The following KLRG1 variants were observed in gnomAD, a reference collection of about 807,000 sequenced individuals.
The protein encoded by KLRG1 is killer cell lectin-like receptor subfamily G member 1.
In KLRG1, 16 loss-of-function variants were observed where a neutral mutation model predicts 21.8. The ratio of observed to expected loss-of-function variants is 0.73; its 90% CI spans 0.50 to 1.11. The LOEUF (loss-of-function observed/expected upper bound fraction) is 1.11, where lower values mean the gene tolerates loss of function less well. Among genes scored for constraint, KLRG1 ranks in the 50% most tolerant of loss-of-function variants. The pLI, the probability that KLRG1 is intolerant of heterozygous loss-of-function variation, is 0.00. For missense variants in KLRG1, 173 were observed against 218.3 expected, an observed-to-expected ratio of 0.79 and a Z score of 1.31; for synonymous variants, 69 against 75.9, an observed-to-expected ratio of 0.91 and a Z score of 0.47.
chr12:9,138,766 G>A, the KLRG1 span, among the ~76,000 whole-genome samples: 40 of 151,890 alleles, frequency 2.6e-4, no homozygotes, highest in African/African-American at 7.0e-4. Context: ...TAGGTTATTC[G>A]ATTAGTTGAC....
chr12:9,080,659 G>C, the KLRG1 span, among the ~76,000 whole-genome samples: 1 of 152,126 alleles, frequency 6.6e-6, no homozygotes. Context: ...CATATACAAA[G>C]ATAGTATTTT....
chr12:9,165,843 T>C, the KLRG1 span, among the ~76,000 whole-genome samples: 2 of 152,210 alleles, frequency 1.3e-5, no homozygotes, highest in East Asian at 3.8e-4. Flanking sequence ...TTTGACAGTA[T>C]CAGAAATAAT....
chr12:9,042,465 C>T, the KLRG1 span, among the ~76,000 whole-genome samples: 1,349 of 151,936 alleles, frequency 8.9e-3, 9 homozygotes, highest in Non-Finnish European at 0.015. Context: ...TAAAATAATG[C>T]CTCCTGAACC....
the KLRG1 span, chr12:9,037,376 A>C: frequency 6.6e-6 from 1 of 152,238 alleles, no homozygotes; most frequent in African/African-American, 2.4e-5. Context: ...TAAATATTTA[A>C]ACAGCTACTC....
At chr12:9,112,670 G>T in the KLRG1 span, 1 of 901,678 alleles carries the variant, frequency 1.1e-6, no homozygotes. Flanking sequence ...AGGGAAAGTT[G>T]GCATGGACAG....
the KLRG1 span, chr12:9,128,204 C>A: frequency 5.0e-6 from 1 of 198,336 alleles, no homozygotes; most frequent in South Asian, 9.7e-5. Context: ...GGATTCTGCT[C>A]CAGGCATTGG....
chr12:9,105,838 A>G, the KLRG1 span, among the ~76,000 whole-genome samples: 5 of 152,218 alleles, frequency 3.3e-5, no homozygotes, highest in Non-Finnish European at 5.9e-5. Context: ...CTGTTTCCAT[A>G]CAAAGTTAGT....
chr12:8,992,560 T>A (rs1330415138), intron 2 of KLRG1, among the ~76,000 whole-genome samples: 2 of 152,168 alleles, frequency 1.3e-5, no homozygotes, highest in East Asian at 3.8e-4. Flanking sequence ...TGTGTGCTGC[T>A]ATACCAGCGG....
chr12:9,140,520 G>C, the KLRG1 span, among the ~76,000 whole-genome samples: 1 of 152,184 alleles, frequency 6.6e-6, no homozygotes, highest in Non-Finnish European at 1.5e-5. Flanking sequence ...GGTAGGAATG[G>C]TTTGCATTAT....
At chr12:8,987,174 GTAT>G (rs1946855579), upstream of KLRG1, 1 of 152,186 alleles carries the variant, frequency 6.6e-6, no homozygotes, top group African/African-American at 2.4e-5. Context: ...GTAGTGTTAA[GTAT>G]TATTATGGAC....
the KLRG1 span, among the ~76,000 whole-genome samples, chr12:9,087,647 A>G: frequency 6.6e-6 from 1 of 152,096 alleles, no homozygotes; most frequent in African/African-American, 2.4e-5. Context: ...TGCTTAGAGA[A>G]TTTCAAATGT....
At chr12:9,119,247 A>G in the KLRG1 span, among the ~76,000 whole-genome samples, 1 of 152,254 alleles carries the variant, frequency 6.6e-6, no homozygotes, top group Non-Finnish European at 1.5e-5. Flanking sequence ...GACGCTAGAA[A>G]TAAGTGAGCA....
At chr12:9,191,490 A>T in the KLRG1 span, among the ~76,000 whole-genome samples, 4 of 152,132 alleles carry the variant, frequency 2.6e-5, no homozygotes, top group Non-Finnish European at 5.9e-5. Flanking sequence ...ACTGAAAAAT[A>T]AAAATTAAAA....
At chr12:9,165,595 T>C in the KLRG1 span, among the ~76,000 whole-genome samples, 1 of 152,198 alleles carries the variant, frequency 6.6e-6, no homozygotes, top group Non-Finnish European at 1.5e-5. Flanking sequence ...ATCCCACATG[T>C]CTGTACTTTG....
At chr12:9,165,087 A>T in the KLRG1 span, 3 of 1,568,360 alleles carry the variant, frequency 1.9e-6, no homozygotes, top group Non-Finnish European at 2.6e-6. Context: ...CTGACTGATC[A>T]AAGGAATCTT....
the KLRG1 span, among the ~76,000 whole-genome samples, chr12:9,042,435 G>C: frequency 4.1e-3 from 621 of 152,326 alleles, 6 homozygotes; most frequent in African/African-American, 0.014. Context: ...GTAGACCTTT[G>C]TGTAGACCTC....
intron 1 of KLRG1, among the ~76,000 whole-genome samples, chr12:8,973,227 C>A (rs1159007264): frequency 1.4e-5 from 2 of 146,234 alleles, no homozygotes; most frequent in African/African-American, 5.1e-5. Flanking sequence ...TGCATTTAAT[C>A]TGTAGATCAC....
the KLRG1 span, chr12:9,036,609 C>T: frequency 4.9e-6 from 1 of 203,422 alleles, no homozygotes; most frequent in Admixed American, 6.0e-5. Context: ...AAATGAGACA[C>T]TGTTAATACT....
chr12:9,150,993 T>C, the KLRG1 span, among the ~76,000 whole-genome samples: 2 of 152,310 alleles, frequency 1.3e-5, no homozygotes, highest in African/African-American at 4.8e-5. Flanking sequence ...TGTTATGAGA[T>C]TAACTCTCTG....
Sources: allele counts gnomAD v4.1 joint callset (sites outside exome capture counted in the v4.1 genomes callset), GRCh38; gene constraint gnomAD v4.1.1; transcripts MANE v1.5; gene names NCBI Gene and HGNC (gene_info 2026-07-23, HGNC 2026-07-21).